Variants in SLC39A8 observed in about 807,000 individuals in gnomAD.
The protein encoded by SLC39A8 is solute carrier family 39 member 8.
In SLC39A8, 15 loss-of-function variants were observed where a neutral mutation model predicts 40.4. The ratio of observed to expected loss-of-function variants is 0.37; its 90% confidence interval spans 0.25 to 0.57. The LOEUF (loss-of-function observed/expected upper bound fraction) is 0.57, where lower values mean the gene tolerates loss of function less well. Among genes scored for constraint, SLC39A8 ranks in the 20% least tolerant of loss-of-function variants. The pLI, the probability that SLC39A8 is intolerant of heterozygous loss-of-function variation, is 0.75. For synonymous variants in SLC39A8, 223 were observed against 221.6 expected, an observed-to-expected ratio of 1.01 and a Z score of -0.06; for missense variants, 472 against 558.8, an observed-to-expected ratio of 0.84 and a Z score of 1.57.
intron 6 of SLC39A8, among the ~76,000 whole-genome samples, chr4:102,285,624 T>G (rs1733137274): frequency 1.1e-5 from 1 of 89,538 alleles, no homozygotes; most frequent in African/African-American, 3.3e-5. Flanking sequence ...ATATTATAGA[T>G]GAGGGTGTGT....
intron 6 of SLC39A8, among the ~76,000 whole-genome samples, chr4:102,290,590 C>T (rs1733384950): frequency 6.6e-6 from 1 of 152,060 alleles, no homozygotes; most frequent in African/African-American, 2.4e-5. Context: ...ACTAGATGGG[C>T]CACCACTCTG....
At chr4:102,270,846 G>A (rs1560528867) in intron 6 of SLC39A8, among the ~76,000 whole-genome samples, 1 of 152,144 alleles carries the variant, frequency 6.6e-6, no homozygotes, top group Admixed American at 6.5e-5. Context: ...GGGAGACTAT[G>A]TTGAATCCCA....
intron 6 of SLC39A8, among the ~76,000 whole-genome samples, chr4:102,295,795 CAT>C (rs367645468): frequency 9.1e-4 from 138 of 152,232 alleles, no homozygotes; most frequent in Non-Finnish European, 1.8e-3. Flanking sequence ...GATTAGCTAA[CAT>C]AAGGAACCAG....
rs570103131 is a variant in SLC39A8, at chr4:102,276,389, GA to G, written c.841-8311del. Among the ~76,000 whole-genome samples, 10 of 152,222 alleles carry G rather than the reference GA, an allele frequency of 6.6e-5. No individual in the cohort carries two copies. The South Asian group carries it at 2.1e-3, about 32-fold the overall frequency. On this transcript the variant is annotated intron_variant, in intron 6 of 8. Coordinates refer to ENST00000356736, the MANE Select transcript of SLC39A8 (RefSeq NM_001135146.2). ...CGCAAATAAACTAGAAAATCTACAA[GA>G]AATGGATAAATTCCTGGACACATAC...
At chr4:102,261,331 C>T (rs17032353), downstream of SLC39A8, among the ~76,000 whole-genome samples, 3,499 of 152,198 alleles carry the variant, frequency 0.023, 151 homozygotes, top group African/African-American at 0.08. Context: ...CTGGTAAACT[C>T]GTGGTGCTGT....
At chr4:102,343,185 A>G (rs527607196) in intron 2 of SLC39A8, among the ~76,000 whole-genome samples, 8 of 152,314 alleles carry the variant, frequency 5.3e-5, no homozygotes, top group African/African-American at 1.9e-4. Context: ...ACCCTTCTAG[A>G]TCAAAGAGAG....
intron 6 of SLC39A8, among the ~76,000 whole-genome samples, chr4:102,287,039 T>C (rs1435083078): frequency 6.6e-6 from 1 of 152,148 alleles, no homozygotes; most frequent in Non-Finnish European, 1.5e-5. Flanking sequence ...GATCTTAATT[T>C]ATGCAGCTGT....
chr4:102,263,460 T>C (rs1333347143), intron 8 of SLC39A8, among the ~76,000 whole-genome samples: 1 of 152,216 alleles, frequency 6.6e-6, no homozygotes, highest in African/African-American at 2.4e-5. Flanking sequence ...AAAAATACTT[T>C]ATTGCTAAAA....
At chr4:102,326,952 C>T (rs1265179536) in intron 2 of SLC39A8, among the ~76,000 whole-genome samples, 1 of 152,134 alleles carries the variant, frequency 6.6e-6, no homozygotes, top group Non-Finnish European at 1.5e-5. Context: ...CTTGCACACA[C>T]ACATACCAAA....
intron 6 of SLC39A8, among the ~76,000 whole-genome samples, chr4:102,299,676 A>C (rs1733832215): frequency 6.6e-6 from 1 of 152,046 alleles, no homozygotes; most frequent in African/African-American, 2.4e-5. Context: ...ATTTTATTGC[A>C]CCTCAACTTT....
chr4:102,267,625 C>CA lies in SLC39A8; in HGVS notation c.1097dup (p.Leu366PhefsTer52), dbSNP rs1553911693. 1.2e-6 allele frequency: 2 copies of CA among 1,613,546 alleles called. No individual in the cohort carries two copies. Among genetic ancestry groups the CA allele is most frequent in the Admixed American group, 3.3e-5 (2 of 59,898 alleles). ...AACATGCAGAAAGGAAGTTGAATAG[C>CA]AAGGCTTGTCGAGTGCTCATCCCTG... On this transcript the variant is annotated frameshift_variant, in exon 8 of 9. Transcript: ENST00000356736. LOFTEE classifies it high-confidence loss of function.
chr4:102,340,940 G>A (rs1735915619), intron 2 of SLC39A8, among the ~76,000 whole-genome samples: 1 of 152,182 alleles, frequency 6.6e-6, no homozygotes, highest in African/African-American at 2.4e-5. Context: ...GTTAAGAAGT[G>A]GTTGAGCAAA....
chr4:102,320,410 A>G (rs866735092), intron 2 of SLC39A8, among the ~76,000 whole-genome samples: 3 of 106,186 alleles, frequency 2.8e-5, no homozygotes, highest in African/African-American at 7.3e-5. Context: ...ATATATGAGA[A>G]TATATATATG....
At chr4:102,271,776 C>T (rs1207370816) in intron 6 of SLC39A8, among the ~76,000 whole-genome samples, 1 of 152,202 alleles carries the variant, frequency 6.6e-6, no homozygotes, top group African/African-American at 2.4e-5. Context: ...CCAAGGTTTC[C>T]TGTGAAAACT....
At chr4:102,309,586 C>T (rs976069501) in intron 3 of SLC39A8, among the ~76,000 whole-genome samples, 5 of 152,118 alleles carry the variant, frequency 3.3e-5, no homozygotes, top group African/African-American at 1.2e-4. Context: ...CACTAGCCTA[C>T]ATGCCTTCAT....
At chr4:102,299,337 C>A (rs745813981) in intron 6 of SLC39A8, among the ~76,000 whole-genome samples, 2 of 150,170 alleles carry the variant, frequency 1.3e-5, no homozygotes, top group African/African-American at 2.4e-5. Flanking sequence ...TTTTTCTGTG[C>A]AAAATGTGTA....
intron 6 of SLC39A8, among the ~76,000 whole-genome samples, chr4:102,300,481 T>G (rs72692237): frequency 0.091 from 13,842 of 152,072 alleles, 1,061 homozygotes; most frequent in Non-Finnish European, 0.13. Context: ...GTTTAAGTAT[T>G]CTATAACATG....
intron 2 of SLC39A8, among the ~76,000 whole-genome samples, chr4:102,321,250 G>T (rs1360113539): frequency 1.3e-5 from 2 of 152,180 alleles, no homozygotes; most frequent in Admixed American, 6.5e-5. Context: ...AGAGGAAATA[G>T]TCAAAAACAA....
exon 12 of SLC39A8, chr4:102,251,900 CTTCATAT>C (rs1201134649): frequency 6.6e-6 from 1 of 152,238 alleles, no homozygotes; most frequent in Admixed American, 6.5e-5. Context: ...AGAGTGACCT[CTTCATAT>C]CTGATGTTTT....
Sources: gnomAD v4.1 joint callset for allele counts (sites outside exome capture counted in the v4.1 genomes callset) on GRCh38, gnomAD v4.1.1 for gene constraint, MANE v1.5 for transcripts, NCBI Gene and HGNC (gene_info 2026-07-23, HGNC 2026-07-21) for gene names.